The following KIAA1328 variants were observed in gnomAD, a reference collection of about 807,000 sequenced individuals.
KIAA1328 encodes KIAA1328.
KIAA1328 carries 52 observed loss-of-function variants against 68.1 expected under a neutral mutation model. That is an observed-to-expected ratio of 0.76 (90% CI 0.61 to 0.96). The LOEUF (loss-of-function observed/expected upper bound fraction) is 0.96. KIAA1328 is among the 40% of genes least tolerant of loss of function. KIAA1328 has a pLI of 0.00. For missense variants in KIAA1328, 641 were observed against 677.6 expected (o/e 0.95, Z 0.60); for synonymous variants, 232 against 239.4 (o/e 0.97, Z 0.28).
At chr18:36,909,077 CTTTGAG>C (rs1006282832) in intron 5 of KIAA1328, among the ~76,000 whole-genome samples, 7 of 152,204 alleles carry the variant, frequency 4.6e-5, no homozygotes, top group African/African-American at 1.7e-4. Flanking sequence ...CTTCTGTTGA[CTTTGAG>C]TATAACTTAC....
intron 9 of KIAA1328, among the ~76,000 whole-genome samples, chr18:37,188,066 A>C (rs975654736): frequency 1.3e-5 from 2 of 152,252 alleles, no homozygotes; most frequent in South Asian, 4.1e-4. Flanking sequence ...TTGAAGCTCA[A>C]GAGCAATTGG....
At position 37,101,813 on chromosome 18, in the gene KIAA1328, G is replaced by C. The variant is rs184026413; in HGVS notation, c.1232+34268G>C. 2.6e-4 allele frequency among the ~76,000 whole-genome samples: 40 copies of C among 152,324 alleles called. 1 individual carries two copies. The highest frequency in any genetic ancestry group is 2.5e-3 in the Admixed American group (38 of 15,298). On this transcript the variant is annotated intron_variant, in intron 7 of 9. Transcript: ENST00000280020. Reference sequence around the variant, plus strand: ...AGGGAAACCCATCAGACTAACAGCTGATCTCTGGGCAGAAACTCTACAAGC... The same window carrying C: ...AGGGAAACCCATCAGACTAACAGCTCATCTCTGGGCAGAAACTCTACAAGC...
At chr18:37,062,362 T>G (rs1209663433) in intron 6 of KIAA1328, among the ~76,000 whole-genome samples, 2 of 152,214 alleles carry the variant, frequency 1.3e-5, no homozygotes, top group Non-Finnish European at 2.9e-5. Flanking sequence ...AAATTGGAAT[T>G]TTATAAATTG....
intron 6 of KIAA1328, among the ~76,000 whole-genome samples, chr18:37,040,624 A>G (rs373382305): frequency 1.3e-5 from 2 of 151,188 alleles, no homozygotes; most frequent in Non-Finnish European, 3.0e-5. Flanking sequence ...TTCTTTTTCT[A>G]GCTTCTTAAT....
chr18:37,170,330 T>C (rs1400359675), intron 8 of KIAA1328, among the ~76,000 whole-genome samples: 2 of 152,208 alleles, frequency 1.3e-5, no homozygotes, highest in African/African-American at 4.8e-5. Context: ...TGGGTGATAT[T>C]GGACATGCTG....
At chr18:36,889,533 G>C (rs2048610643) in intron 5 of KIAA1328, among the ~76,000 whole-genome samples, 1 of 152,156 alleles carries the variant, frequency 6.6e-6, no homozygotes, top group Admixed American at 6.5e-5. Flanking sequence ...TGACAGCAAA[G>C]CACAGTGGGA....
At chr18:37,055,994 C>T (rs538503987) in intron 6 of KIAA1328, among the ~76,000 whole-genome samples, 1 of 152,238 alleles carries the variant, frequency 6.6e-6, no homozygotes, top group Non-Finnish European at 1.5e-5. Flanking sequence ...TAATAACAAC[C>T]TGTTATAAGA....
At chr18:36,907,290 G>C (rs2049258552) in intron 5 of KIAA1328, among the ~76,000 whole-genome samples, 1 of 151,504 alleles carries the variant, frequency 6.6e-6, no homozygotes, top group South Asian at 2.1e-4. Context: ...TCTTTTTCTT[G>C]CCTTGTTGCA....
Position 37,225,114 on chromosome 18 carries a change from A to G in KIAA1328, c.*2887A>G. The G allele has an allele frequency of 2.0e-6, 2 of 985,318 alleles. No individual in the cohort carries two copies. The highest frequency in any genetic ancestry group is 2.4e-6 in the Non-Finnish European group (2 of 829,934). 61.0% of individuals were successfully genotyped at this position (985,318 alleles called of 1,614,324 possible). On this transcript the variant is annotated 3_prime_UTR_variant, in exon 10 of 10. Coordinates refer to ENST00000280020, the MANE Select transcript of KIAA1328 (RefSeq NM_020776.3). Reference sequence around the variant, plus strand: ...CTCTTCACTTGTCCCTGCTTCCGGCACCAAGTTCATAATAGAGATCTTCTG... The same window carrying G: ...CTCTTCACTTGTCCCTGCTTCCGGCGCCAAGTTCATAATAGAGATCTTCTG...
chr18:37,075,284 A>G (rs902481438), intron 7 of KIAA1328: 1 of 152,204 alleles, frequency 6.6e-6, no homozygotes, highest in Non-Finnish European at 1.5e-5. Context: ...GCAAATGCTG[A>G]GAGATTTTCT....
At chr18:36,867,117 G>T (rs968770128) in intron 4 of KIAA1328, among the ~76,000 whole-genome samples, 7 of 152,184 alleles carry the variant, frequency 4.6e-5, no homozygotes, top group Non-Finnish European at 7.4e-5. Context: ...TTGGAGGTGT[G>T]TCCTGGTGGG....
At chr18:37,030,967 A>G (rs572323580) in intron 6 of KIAA1328, among the ~76,000 whole-genome samples, 2 of 152,204 alleles carry the variant, frequency 1.3e-5, no homozygotes, top group East Asian at 1.9e-4. Context: ...TTTGCTCAGA[A>G]TGATGGTTTC....
chr18:37,172,442 C>G (rs929656781), intron 8 of KIAA1328, among the ~76,000 whole-genome samples: 1 of 152,168 alleles, frequency 6.6e-6, no homozygotes, highest in Non-Finnish European at 1.5e-5. Flanking sequence ...GGAGGATAAA[C>G]TATTGCTTAG....
intron 6 of KIAA1328, among the ~76,000 whole-genome samples, chr18:36,975,328 G>T (rs941224560): frequency 2.0e-5 from 3 of 150,898 alleles, no homozygotes; most frequent in Non-Finnish European, 3.0e-5. Context: ...GACTACAGGC[G>T]CCCGCCACTA....
intron 4 of KIAA1328, among the ~76,000 whole-genome samples, chr18:36,846,598 C>T (rs1600964341): frequency 6.6e-6 from 1 of 151,650 alleles, no homozygotes; most frequent in East Asian, 1.9e-4. Context: ...AAATAGTTTC[C>T]TCTAGACCTT....
intron 5 of KIAA1328, among the ~76,000 whole-genome samples, chr18:36,897,038 T>C (rs1026331363): frequency 2.6e-5 from 4 of 152,050 alleles, no homozygotes; most frequent in South Asian, 2.1e-4. Context: ...AAAATTGTAC[T>C]CAAGATTTTG....
chr18:37,026,866 C>T (rs2054603964), intron 6 of KIAA1328, among the ~76,000 whole-genome samples: 1 of 152,172 alleles, frequency 6.6e-6, no homozygotes, highest in Non-Finnish European at 1.5e-5. Flanking sequence ...GTTGGAAGTT[C>T]TGGCCAGGGC....
At chr18:37,076,183 T>G (rs2056727024) in intron 7 of KIAA1328, among the ~76,000 whole-genome samples, 1 of 152,152 alleles carries the variant, frequency 6.6e-6, no homozygotes, top group South Asian at 2.1e-4. Flanking sequence ...AGAAACTCAC[T>G]CAAAACCACT....
intron 5 of KIAA1328, among the ~76,000 whole-genome samples, chr18:36,928,331 G>A (rs888824976): frequency 1.3e-5 from 2 of 152,154 alleles, no homozygotes; most frequent in Non-Finnish European, 2.9e-5. Context: ...GTGTGACACT[G>A]CTGGAATTCA....
Sources: allele counts gnomAD v4.1 joint callset (sites outside exome capture counted in the v4.1 genomes callset), GRCh38; gene constraint gnomAD v4.1.1; transcripts MANE v1.5; gene names NCBI Gene and HGNC (gene_info 2026-07-23, HGNC 2026-07-21).